Variants in MCCC2 observed in about 807,000 individuals in gnomAD.
The protein encoded by MCCC2 is methylcrotonyl-CoA carboxylase subunit 2, also known as methylcrotonoyl-CoA carboxylase beta chain, mitochondrial.
A neutral mutation model predicts 77.2 loss-of-function variants in MCCC2; 52 were observed. The ratio of observed to expected loss-of-function variants is 0.67; its 90% CI spans 0.54 to 0.85. MCCC2 has a LOEUF of 0.85. Among genes scored for constraint, MCCC2 ranks in the 40% least tolerant of loss-of-function variants. The probability of loss-of-function intolerance (pLI) is 0.00; values close to 1 mark genes in which losing one functional copy is unlikely to be tolerated. For synonymous variants in MCCC2, 253 were observed against 248.4 expected, an observed-to-expected ratio of 1.02 and a Z score of -0.18; for missense variants, 682 against 703.2, an observed-to-expected ratio of 0.97 and a Z score of 0.34.
chr5:71,647,347 T>G (rs1342559674), intron 13 of MCCC2, among the ~76,000 whole-genome samples: 1 of 152,154 alleles, frequency 6.6e-6, no homozygotes, highest in Non-Finnish European at 1.5e-5. Context: ...GATATTTGGT[T>G]AGATGAATGT....
At position 71,636,734 on chromosome 5, in the gene MCCC2, A is replaced by G. The variant is rs1746944715; in HGVS notation, c.999+1488A>G. On this transcript the variant is annotated intron_variant, in intron 10 of 16. Transcript: ENST00000340941. ...AATAAATAAATAAAGATAAAAATAAACAAATAAATAAAAGAGAAAAATGAG... is the reference window on the plus strand; with the variant it reads ...AATAAATAAATAAAGATAAAAATAAGCAAATAAATAAAAGAGAAAAATGAG... 2.0e-5 allele frequency: 3 copies of G among 152,074 alleles called. No individual in the cohort carries two copies. In the South Asian group the frequency reaches 6.2e-4, roughly 32 times the overall value. 9.4% of individuals were successfully genotyped at this position (152,074 alleles called of 1,614,324 possible).
rs1328030067 is a variant in MCCC2 at position 71,658,527 on chromosome 5, C to G, written c.*1667C>G. Reference sequence around the variant, plus strand: ...TAAGCTCCGTGAGAGCAAGGATCCTCCTGTTTACCCTGTACCTCCAATGTC... The same window carrying G: ...TAAGCTCCGTGAGAGCAAGGATCCTGCTGTTTACCCTGTACCTCCAATGTC... On this transcript the variant is annotated 3_prime_UTR_variant, in exon 17 of 17. Coordinates refer to ENST00000340941, the MANE Select transcript of MCCC2 (RefSeq NM_022132.5). 6 of 152,180 alleles carry G rather than the reference C, an allele frequency of 3.9e-5. No individual in the cohort carries two copies. Among genetic ancestry groups the G allele is most frequent in the Non-Finnish European group, 7.3e-5 (5 of 68,038 alleles). The allele number at this position is 152,180 out of a possible 1,614,324, so 9.4% of individuals were successfully genotyped here. A position where few individuals can be genotyped will look rare whatever the true frequency, so the allele number is the denominator to read the frequency against.
intron 10 of MCCC2, chr5:71,636,175 G>A (rs7444180): frequency 0.76 from 289,577 of 381,264 alleles, 111,619 homozygotes; most frequent in East Asian, 0.85. Flanking sequence ...ATGGTAAGTA[G>A]TCAGTAACTA....
chr5:71,655,155 T>C (rs1232317950), intron 16 of MCCC2, among the ~76,000 whole-genome samples: 2 of 152,206 alleles, frequency 1.3e-5, no homozygotes, highest in African/African-American at 4.8e-5. Flanking sequence ...TGTTTAACCC[T>C]TCTGTTGAAA....
intron 1 of MCCC2, among the ~76,000 whole-genome samples, chr5:71,591,009 T>C (rs772137105): frequency 3.3e-5 from 5 of 152,232 alleles, no homozygotes; most frequent in Non-Finnish European, 7.3e-5. Flanking sequence ...CTTTCCCTAA[T>C]ACCATGCTGC....
intron 16 of MCCC2, among the ~76,000 whole-genome samples, chr5:71,655,963 G>A (rs944351456): frequency 2.6e-5 from 4 of 152,176 alleles, no homozygotes; most frequent in African/African-American, 9.6e-5. Flanking sequence ...GCCTGTAATC[G>A]CAGCACTTTG....
chr5:71,590,109 AAC>A (rs145490017), intron 1 of MCCC2, among the ~76,000 whole-genome samples: 52,824 of 150,974 alleles, frequency 0.35, 9,965 homozygotes, highest in East Asian at 0.53. Flanking sequence ...AGGTGATTAA[AAC>A]ACACACACAC....
intron 16 of MCCC2, among the ~76,000 whole-genome samples, chr5:71,655,659 A>G (rs569502030): frequency 2.6e-5 from 4 of 152,296 alleles, no homozygotes; most frequent in South Asian, 2.1e-4. Context: ...ATGTCTGTCA[A>G]TGTAAGAATG....
At chr5:71,613,766 A>G (rs1746053859) in intron 6 of MCCC2, among the ~76,000 whole-genome samples, 2 of 151,928 alleles carry the variant, frequency 1.3e-5, no homozygotes, top group Admixed American at 1.3e-4. Flanking sequence ...ATAATATATA[A>G]TATATCAGAG....
intron 15 of MCCC2, 131 bp from the exon 16 acceptor site, chr5:71,652,538 A>T: frequency 1.3e-6 from 1 of 755,358 alleles, no homozygotes; most frequent in South Asian, 1.5e-5. Flanking sequence ...CTTGTAATTT[A>T]TACATCACTA....
chr5:71,627,762 G>A (rs550895876), intron 7 of MCCC2, among the ~76,000 whole-genome samples: 142 of 151,804 alleles, frequency 9.4e-4, no homozygotes, highest in Admixed American at 2.5e-3. Flanking sequence ...ATCTTTGGGG[G>A]TGTGAGGTAG....
At chr5:71,632,783 G>A (rs1382272406) in intron 8 of MCCC2, among the ~76,000 whole-genome samples, 1 of 152,060 alleles carries the variant, frequency 6.6e-6, no homozygotes, top group Middle Eastern at 3.2e-3. Flanking sequence ...ACAGATGCAC[G>A]TAGTTGGCTC....
At chr5:71,595,011 G>A (rs1033544076) in intron 2 of MCCC2, among the ~76,000 whole-genome samples, 30 of 150,374 alleles carry the variant, frequency 2.0e-4, no homozygotes, top group Non-Finnish European at 3.8e-4. Flanking sequence ...CGATTCTCCC[G>A]CCTCAGCCTC....
intron 2 of MCCC2, 94 bp downstream of exon 2, chr5:71,593,086 GAT>G (rs200163577): frequency 1.1e-5 from 11 of 958,030 alleles, no homozygotes; most frequent in Middle Eastern, 2.5e-4. Flanking sequence ...TTAAGCTTTT[GAT>G]ATTTTTTTTT....
At chr5:71,599,538 C>G in intron 3 of MCCC2, 121 bp from the exon 4 acceptor site, 1 of 766,154 alleles carries the variant, frequency 1.3e-6, no homozygotes, top group Admixed American at 2.0e-5. Context: ...ATTTTATATA[C>G]AACATGTGTA....
intron 3 of MCCC2, among the ~76,000 whole-genome samples, chr5:71,599,024 G>T (rs1173327266): frequency 6.6e-6 from 1 of 151,852 alleles, no homozygotes; most frequent in East Asian, 2.0e-4. Context: ...CCCACAAAGT[G>T]CTAGGACTAC....
intron 11 of MCCC2, among the ~76,000 whole-genome samples, chr5:71,643,520 C>T (rs1747187183): frequency 6.6e-6 from 1 of 152,078 alleles, no homozygotes; most frequent in African/African-American, 2.4e-5. Flanking sequence ...ATACTAGACA[C>T]TCAGATATAT....
chr5:71,645,029 T>C (rs1036666774), intron 12 of MCCC2, among the ~76,000 whole-genome samples: 1 of 152,168 alleles, frequency 6.6e-6, no homozygotes, highest in African/African-American at 2.4e-5. Context: ...CATTTAATAG[T>C]ATATAGACAG....
intron 6 of MCCC2, among the ~76,000 whole-genome samples, chr5:71,621,146 G>A (rs903728329): frequency 6.6e-6 from 1 of 152,126 alleles, no homozygotes; most frequent in African/African-American, 2.4e-5. Context: ...TTGGGACATG[G>A]CAAGTTGTTA....
Sources: gnomAD v4.1 joint callset for allele counts (sites outside exome capture counted in the v4.1 genomes callset) on GRCh38, gnomAD v4.1.1 for gene constraint, MANE v1.5 for transcripts, NCBI Gene and HGNC (gene_info 2026-07-23, HGNC 2026-07-21) for gene names.